Variants in NALF1 observed in about 807,000 individuals in gnomAD.
NALF1 encodes the protein family with sequence similarity 155 member A.
Under a neutral mutation model 48.4 loss-of-function variants are expected in NALF1, and 3 were observed. That is an observed-to-expected ratio of 0.06 (90% CI 0.03 to 0.16). NALF1 has a LOEUF of 0.16. Among genes scored for constraint, NALF1 ranks in the 10% least tolerant of loss-of-function variants. The pLI is 1.00. For synonymous variants in NALF1, 262 were observed against 245.7 expected (o/e 1.07, Z -0.62); for missense variants, 526 against 571.5 (o/e 0.92, Z 0.81).
chr13:107,520,035 G>T (rs548818119), intron 1 of NALF1, among the ~76,000 whole-genome samples: 1 of 152,172 alleles, frequency 6.6e-6, no homozygotes, highest in African/African-American at 2.4e-5. Context: ...ATTTTTTAAT[G>T]CTTTATGATG....
intron 1 of NALF1, among the ~76,000 whole-genome samples, chr13:107,771,437 T>C (rs1383103795): frequency 3.3e-5 from 5 of 151,100 alleles, no homozygotes; most frequent in African/African-American, 1.2e-4. Context: ...TGTTTTGTTT[T>C]CCTTAACAGC....
At chr13:107,854,828 G>T (rs816992) in intron 1 of NALF1, among the ~76,000 whole-genome samples, 7 of 150,018 alleles carry the variant, frequency 4.7e-5, no homozygotes, top group East Asian at 2.0e-4. Context: ...GAGCCAAGAT[G>T]GCGCCACTGC....
chr13:107,192,420 C>T (rs553014707), intron 2 of NALF1, among the ~76,000 whole-genome samples: 1 of 152,244 alleles, frequency 6.6e-6, no homozygotes, highest in Admixed American at 6.5e-5. Flanking sequence ...TAGTGAGACT[C>T]ACATTAATTT....
chr13:107,630,702 A>G (rs1879812910), intron 1 of NALF1, among the ~76,000 whole-genome samples: 1 of 151,942 alleles, frequency 6.6e-6, no homozygotes, highest in South Asian at 2.1e-4. Flanking sequence ...ATAAAAAGGC[A>G]GCCGTTTGAA....
intron 1 of NALF1, among the ~76,000 whole-genome samples, chr13:107,436,496 T>C (rs1884465733): frequency 6.6e-6 from 1 of 152,188 alleles, no homozygotes; most frequent in Admixed American, 6.6e-5. Flanking sequence ...TTTTAGTCAA[T>C]GCAGTAAAAG....
At chr13:107,690,300 G>T (rs1315130201) in intron 1 of NALF1, among the ~76,000 whole-genome samples, 3 of 152,146 alleles carry the variant, frequency 2.0e-5, no homozygotes, top group African/African-American at 4.8e-5. Context: ...AAAAAGAAAA[G>T]AAAAAGAGTT....
chr13:107,794,350 T>C (rs1878345183), intron 1 of NALF1, among the ~76,000 whole-genome samples: 1 of 152,150 alleles, frequency 6.6e-6, no homozygotes, highest in Non-Finnish European at 1.5e-5. Flanking sequence ...GAATAATCGT[T>C]GAGTCCTTTT....
chr13:107,245,904 T>C (rs1472683494), intron 1 of NALF1, among the ~76,000 whole-genome samples: 1 of 152,104 alleles, frequency 6.6e-6, no homozygotes, highest in African/African-American at 2.4e-5. Context: ...GGAGTGTGCA[T>C]GGTTCCTCCT....
intron 1 of NALF1, among the ~76,000 whole-genome samples, chr13:107,534,854 G>T (rs796689939): frequency 2.0e-5 from 3 of 152,252 alleles, no homozygotes; most frequent in African/African-American, 7.2e-5. Context: ...AAAGTACAGA[G>T]TATTCAGTGT....
chr13:107,434,607 T>C (rs1488689250), intron 1 of NALF1, among the ~76,000 whole-genome samples: 1 of 152,302 alleles, frequency 6.6e-6, no homozygotes, highest in African/African-American at 2.4e-5. Flanking sequence ...ACCTAAGTCA[T>C]GGGAATAGAG....
chr13:107,681,001 C>T (rs7993795), intron 1 of NALF1, among the ~76,000 whole-genome samples: 130,851 of 151,778 alleles, frequency 0.86, 57,275 homozygotes, highest in Non-Finnish European at 0.94. Flanking sequence ...TTTCAGTTTT[C>T]TGCCTGTTTT....
chr13:107,637,756 C>T (rs1452954233), intron 1 of NALF1, among the ~76,000 whole-genome samples: 1 of 152,018 alleles, frequency 6.6e-6, no homozygotes, highest in African/African-American at 2.4e-5. Flanking sequence ...AATAAAGAGT[C>T]GCATGTGGGA....
Position 107,866,295 on chromosome 13 carries a change from G to A in NALF1, c.302C>T (p.Pro101Leu), listed in dbSNP as rs1566511581. The A allele has an allele frequency of 1.9e-6, 3 of 1,605,004 alleles. No homozygotes were observed. Among genetic ancestry groups the A allele is most frequent in the Admixed American group, 1.7e-5 (1 of 59,346 alleles). ...QQQQQRRQQE[P>L]SWPALLASMG... ...GCTCGCCAGGAGCGCGGGCCAGGAG[G>A]GCTCCTGCTGCCGCCGCTGCTGCTG... Residue 101 changes from proline to leucine, a missense_variant, in exon 1 of 3, where the codon CCC becomes CTC. This residue lies in a region of NALF1 where 373 missense variants were observed against 355.5 expected (regional missense o/e 1.05). Coordinates refer to ENST00000375915, the MANE Select transcript of NALF1 (RefSeq NM_001080396.3). This position sits in a 1 kb window ranked among gnomAD's most constrained non-coding sequence, Gnocchi z 4.4.
intron 1 of NALF1, among the ~76,000 whole-genome samples, chr13:107,741,543 G>A (rs7994782): frequency 0.46 from 68,532 of 149,250 alleles, 16,632 homozygotes; most frequent in Non-Finnish European, 0.55. Flanking sequence ...AGAAAATGAT[G>A]GTACTATAAA....
At chr13:107,509,817 A>T (rs143237913) in intron 1 of NALF1, among the ~76,000 whole-genome samples, 1,710 of 152,034 alleles carry the variant, frequency 0.011, 16 homozygotes, top group Middle Eastern at 0.037. Flanking sequence ...TATTATTATT[A>T]TTTTTTGAGT....
chr13:107,583,682 T>TAAG (rs1391986121), intron 1 of NALF1, among the ~76,000 whole-genome samples: 2 of 152,198 alleles, frequency 1.3e-5, no homozygotes, highest in East Asian at 3.9e-4. Context: ...CAGGATTCTT[T>TAAG]ACCTGGCATC....
intron 1 of NALF1, among the ~76,000 whole-genome samples, chr13:107,829,989 T>G (rs761726210): frequency 6.6e-6 from 1 of 152,214 alleles, no homozygotes; most frequent in African/African-American, 2.4e-5. Context: ...TGGCAACAGA[T>G]GCCAACCCTA....
chr13:107,257,722 G>A (rs1168645460), intron 1 of NALF1, among the ~76,000 whole-genome samples: 1 of 152,150 alleles, frequency 6.6e-6, no homozygotes, highest in African/African-American at 2.4e-5. Context: ...ACCATTGCCT[G>A]TGAGTCATGT....
chr13:107,494,919 G>A (rs1332402879), intron 1 of NALF1, among the ~76,000 whole-genome samples: 1 of 152,180 alleles, frequency 6.6e-6, no homozygotes, highest in Non-Finnish European at 1.5e-5. Context: ...GAATGTAAAA[G>A]CACATATGGA....
Sources: gnomAD v4.1 joint callset for allele counts (sites outside exome capture counted in the v4.1 genomes callset) on GRCh38, gnomAD v4.1.1 for gene constraint, gnomAD v4.1.1 regional missense constraint, Gnocchi (gnomAD v3.1) non-coding constraint, MANE v1.5 for transcripts, NCBI Gene and HGNC (gene_info 2026-07-23, HGNC 2026-07-21) for gene names.